Variants in TJP1 observed in about 807,000 individuals in gnomAD.
TJP1 encodes the protein tight junction protein 1, also known as tight junction protein ZO-1.
In TJP1, 43 loss-of-function variants were observed where a neutral mutation model predicts 194.2. That is an observed-to-expected ratio of 0.22 (90% confidence interval 0.17 to 0.29). TJP1 has a LOEUF of 0.29. TJP1 is among the 10% of genes least tolerant of loss of function. TJP1 has a pLI of 1.00. For synonymous variants in TJP1, 801 were observed against 779.0 expected (o/e 1.03, Z -0.47); for missense variants, 1,971 against 2,185.7 (o/e 0.90, Z 1.96).
Position 29,720,536 on chromosome 15 carries a change from A to G in TJP1, c.2585T>C (p.Leu862Pro), listed in dbSNP as rs988365576. Residue 862 changes from leucine (L) to proline (P), a missense_variant, in exon 19 of 28, where the codon CTT (leucine) becomes CCT (proline). Physicochemically the swap from Leu to Pro is moderately conservative, Grantham distance 98 (BLOSUM62 -3). Coordinates refer to ENST00000614355, the MANE Select transcript of TJP1 (RefSeq NM_001330239.4). ...CGGTGGAGTCCCAACCTCATCATTAAGAGTTTCATCTAGTTCTTGATCAGT... is the reference window on the plus strand; with the variant it reads ...CGGTGGAGTCCCAACCTCATCATTAGGAGTTTCATCTAGTTCTTGATCAGT... ...AYTDQELDET[L>P]NDEVGTPPES... 6.2e-7 allele frequency: 1 copy of G among 1,614,120 alleles called. No individual in the cohort carries two copies. The highest frequency in any genetic ancestry group is 1.3e-5 in the African/African-American group (1 of 75,020).
At chr15:29,790,483 A>C (rs114051190) in intron 2 of TJP1, among the ~76,000 whole-genome samples, 1,987 of 152,316 alleles carry the variant, frequency 0.013, 52 homozygotes, top group East Asian at 0.097. Context: ...ATGTGTAACG[A>C]TTAAATCAGG....
chr15:29,817,842 C>T (rs947198362), intron 1 of TJP1, among the ~76,000 whole-genome samples: 2 of 151,934 alleles, frequency 1.3e-5, no homozygotes, highest in African/African-American at 2.4e-5. Flanking sequence ...GGCCTGTTAC[C>T]CGGGTTGGTG....
intron 1 of TJP1, among the ~76,000 whole-genome samples, chr15:29,964,790 G>C (rs2056276476): frequency 6.6e-6 from 1 of 152,172 alleles, no homozygotes; most frequent in African/African-American, 2.4e-5. Flanking sequence ...TTTGTTCTGT[G>C]TTCCTAAGTA....
At chr15:29,779,280 C>T (rs2047205739) in intron 2 of TJP1, among the ~76,000 whole-genome samples, 1 of 152,134 alleles carries the variant, frequency 6.6e-6, no homozygotes, top group African/African-American at 2.4e-5. Flanking sequence ...GGTGATACTG[C>T]CATTTTTCAA....
At chr15:29,861,438 G>A (rs142587577) in intron 2 of TJP1, among the ~76,000 whole-genome samples, 1 of 152,272 alleles carries the variant, frequency 6.6e-6, no homozygotes, top group Non-Finnish European at 1.5e-5. Context: ...AATTGCAGAC[G>A]TGTGAAAAAT....
At chr15:29,717,543 CCTCAGT>C (rs1467330833) in intron 22 of TJP1, among the ~76,000 whole-genome samples, 2 of 152,080 alleles carry the variant, frequency 1.3e-5, no homozygotes, top group Non-Finnish European at 2.9e-5. Context: ...CCCCTCTCAG[CCTCAGT>C]GTCTCTCTCT....
At chr15:29,782,806 G>T (rs895369882) in intron 2 of TJP1, among the ~76,000 whole-genome samples, 3 of 144,962 alleles carry the variant, frequency 2.1e-5, no homozygotes, top group Non-Finnish European at 4.5e-5. Flanking sequence ...TCTGACAAAG[G>T]TCTAATATCC....
Position 29,705,545 on chromosome 15 carries a change from G to C in TJP1, c.5051C>G (p.Pro1684Arg), listed in dbSNP as rs2041839136. 6.2e-7 allele frequency: 1 copy of C among 1,614,196 alleles called. No homozygotes were observed. The change falls in exon 26 of 28, where the codon CCT becomes CGT. Residue 1684 changes from proline to arginine, a missense_variant. Physicochemically the swap from Pro to Arg is moderately radical, Grantham distance 103. This residue lies in a region of TJP1 where 1,108 missense variants were observed against 1,128.5 expected (regional missense o/e 0.98). Transcript: ENST00000614355. Reference protein sequence around the residue: ...KVCRDNSILPPLDKEKGETLL... With the variant: ...KVCRDNSILPRLDKEKGETLL... ...ACATTTACCTTTCTCTTTATCTAAA[G>C]GTGGAAGGATGCTGTTGTCCCGGCA...
intron 2 of TJP1, among the ~76,000 whole-genome samples, chr15:29,874,549 A>G (rs568625795): frequency 6.6e-6 from 1 of 152,302 alleles, no homozygotes; most frequent in South Asian, 2.1e-4. Flanking sequence ...AAGAAACCTC[A>G]GCAAGTTGTT....
At chr15:29,821,130 A>G (rs2050309110) in intron 1 of TJP1, among the ~76,000 whole-genome samples, 1 of 152,212 alleles carries the variant, frequency 6.6e-6, no homozygotes, top group Non-Finnish European at 1.5e-5. Context: ...ATGATGAAAA[A>G]ATTAATATAC....
intron 2 of TJP1, among the ~76,000 whole-genome samples, chr15:29,884,315 G>T (rs545459520): frequency 1.3e-5 from 2 of 152,140 alleles, no homozygotes; most frequent in East Asian, 1.9e-4. Flanking sequence ...GACCATCTTG[G>T]GGGTATATTG....
At chr15:29,926,091 A>G (rs1450907773) in intron 2 of TJP1, among the ~76,000 whole-genome samples, 1 of 152,232 alleles carries the variant, frequency 6.6e-6, no homozygotes, top group East Asian at 1.9e-4. Context: ...AATAAGCTCT[A>G]TGCTCAGACA....
intron 11 of TJP1, among the ~76,000 whole-genome samples, chr15:29,735,588 GAAAAAAA>G (rs79594334): frequency 2.1e-4 from 19 of 91,676 alleles, no homozygotes; most frequent in South Asian, 1.3e-3. Flanking sequence ...CTGTCTCAAG[GAAAAAAA>G]AAAAAAAAAA....
intron 2 of TJP1, among the ~76,000 whole-genome samples, chr15:29,923,074 A>G (rs1048280508): frequency 6.6e-6 from 1 of 152,194 alleles, no homozygotes; most frequent in Non-Finnish European, 1.5e-5. Flanking sequence ...TGTGATGAAG[A>G]CAAGTTCCTT....
rs1391290930 is a variant in TJP1 at position 29,949,149 on chromosome 15, C to T, written c.306+7083G>A. On this transcript the variant is annotated intron_variant, in intron 2 of 28. Transcript: ENST00000356107. ...ACCACCTCCACCTCCACCTTCACCA[C>T]CTCCACTACTACCTCCACCACCACC... Among the ~76,000 whole-genome samples, 38 of 150,040 alleles carry T rather than the reference C, an allele frequency of 2.5e-4. No homozygotes were observed. In the South Asian group the frequency reaches 4.1e-3, roughly 16 times the overall value.
At chr15:29,841,869 G>T (rs1192089299) in intron 2 of TJP1, among the ~76,000 whole-genome samples, 1 of 152,052 alleles carries the variant, frequency 6.6e-6, no homozygotes, top group Non-Finnish European at 1.5e-5. Flanking sequence ...CCAATATCTT[G>T]TATGTACTAT....
intron 2 of TJP1, among the ~76,000 whole-genome samples, chr15:29,871,460 A>C (rs1020093252): frequency 6.6e-6 from 1 of 152,352 alleles, no homozygotes; most frequent in African/African-American, 2.4e-5. Flanking sequence ...CTGTGAACGT[A>C]GGAGAAGCGA....
chr15:29,949,522 C>CACCTCCACA (rs2055499972), intron 2 of TJP1, among the ~76,000 whole-genome samples: 4 of 81,554 alleles, frequency 4.9e-5, no homozygotes, highest in Non-Finnish European at 6.8e-5. Context: ...CCACCTCCAC[C>CACCTCCACA]ACCACCACCT....
At chr15:29,787,426 A>G (rs1468889849) in intron 2 of TJP1, among the ~76,000 whole-genome samples, 2 of 152,212 alleles carry the variant, frequency 1.3e-5, no homozygotes, top group African/African-American at 4.8e-5. Flanking sequence ...TATAAGCAAC[A>G]AAAGAGAAAA....
Sources: allele counts gnomAD v4.1 joint callset (sites outside exome capture counted in the v4.1 genomes callset), GRCh38; gene constraint gnomAD v4.1.1; regional missense constraint gnomAD v4.1.1; transcripts MANE v1.5; gene names NCBI Gene and HGNC (gene_info 2026-07-23, HGNC 2026-07-21).